Variants in ATP4A observed in about 807,000 individuals in gnomAD.
The protein encoded by ATP4A is ATPase H+/K+ transporting subunit alpha.
Under a neutral mutation model 112.1 loss-of-function variants are expected in ATP4A, and 73 were observed. The observed-to-expected ratio is 0.65, with a 90% CI of 0.54 to 0.79. The LOEUF (loss-of-function observed/expected upper bound fraction) is 0.79. ATP4A is among the 30% of genes least tolerant of loss of function. ATP4A has a pLI of 0.00. For synonymous variants in ATP4A, 588 were observed against 588.9 expected (o/e 1.00, Z 0.02); for missense variants, 1,081 against 1,425.9 (o/e 0.76, Z 3.90).
At position 35,562,530 on chromosome 19, in the gene ATP4A, C is replaced by T. The variant is rs766832949; in HGVS notation, c.325G>A (p.Gly109Arg). Residue 109 changes from glycine to arginine, a missense_variant, in exon 4 of 22, where the codon GGG (glycine) becomes AGG (arginine). Gly to Arg is a moderately radical substitution (Grantham distance 125). Around this residue, in one of 3 missense-constraint regions of ATP4A, gnomAD observed 850 missense variants for 1,068.2 expected, o/e 0.80. Coordinates refer to ENST00000262623, the MANE Select transcript of ATP4A (RefSeq NM_000704.3). ...ACCCACATGAGGCACTGCAGGCCCC[C>T]GGCCAGCTGCCTCGCGAACTTGACG... ...EYVKFARQLAGGLQCLMWVAA... is the reference protein window; with the variant it reads ...EYVKFARQLARGLQCLMWVAA... 6 of 1,613,740 alleles carry T rather than the reference C, an allele frequency of 3.7e-6. No homozygotes were observed. Among genetic ancestry groups the T allele is most frequent in the Non-Finnish European group, 4.2e-6 (5 of 1,179,896 alleles).
chr19:35,557,529 T>C lies in ATP4A; in HGVS notation c.1693+126A>G, dbSNP rs551142898. On this transcript the variant is annotated intron_variant, in intron 11 of 21. Transcript: ENST00000262623. The surrounding 1 kb of genome is among the most constrained non-coding windows in gnomAD (Gnocchi z 4.4). ...ACAGGGAAAGTCAAGGGTGAGGCTG[T>C]GGACTGCGACAAATCAGCCAGCAGC... 1 of 1,175,778 alleles carries C rather than the reference T, an allele frequency of 8.5e-7. No homozygotes were observed. The highest frequency in any genetic ancestry group is 1.5e-5 in the African/African-American group (1 of 65,318). The allele number at this position is 1,175,778 out of a possible 1,614,324, so 72.8% of individuals were successfully genotyped here.
intron 16 of ATP4A, among the ~76,000 whole-genome samples, chr19:35,554,538 C>G (rs932113731): frequency 2.6e-5 from 4 of 152,184 alleles, no homozygotes; most frequent in Non-Finnish European, 4.4e-5. Flanking sequence ...ATCTGTGGTT[C>G]TTTTCTGTCT....
Position 35,560,420 on chromosome 19 carries a change from G to A in ATP4A, c.730C>T (p.His244Tyr). The change falls in exon 6 of 22, where the codon CAC (histidine) becomes TAC (tyrosine). Residue 244 changes from histidine (H) to tyrosine (Y), a missense_variant. This residue lies in a region of ATP4A where 850 missense variants were observed against 1,068.2 expected (regional missense o/e 0.80). Coordinates refer to ENST00000262623, the MANE Select transcript of ATP4A (RefSeq NM_000704.3). The surrounding 1 kb of genome is among the most constrained non-coding windows in gnomAD (Gnocchi z 5.1). Reference protein sequence around the residue: ...EPQTRSPECTHESPLETRNIA... With the variant: ...EPQTRSPECTYESPLETRNIA... Reference sequence around the variant, plus strand: ...TTGCGGGTCTCCAGAGGGCTCTCGTGCGTGCACTCGGGTGAGCGGGTCTGT... The same window carrying A: ...TTGCGGGTCTCCAGAGGGCTCTCGTACGTGCACTCGGGTGAGCGGGTCTGT... The A allele has an allele frequency of 6.2e-7, 1 of 1,614,018 alleles. No individual in the cohort carries two copies. The highest frequency in any genetic ancestry group is 8.5e-7 in the Non-Finnish European group (1 of 1,180,020).
Position 35,558,999 on chromosome 19 carries a change from G to C in ATP4A, c.1249C>G (p.Gln417Glu), listed in dbSNP as rs1321434923. The C allele has an allele frequency of 6.2e-7, 1 of 1,614,158 alleles. No individual in the cohort carries two copies. Among genetic ancestry groups the C allele is most frequent in the Admixed American group, 1.7e-5 (1 of 60,022 alleles). The change falls in exon 8 of 22, where the codon CAG (glutamine) becomes GAG (glutamate). Residue 417 changes from glutamine to glutamate, a missense_variant. Gln to Glu is a conservative substitution (Grantham distance 29). Transcript: ENST00000262623. This position sits in a 1 kb window ranked among gnomAD's most constrained non-coding sequence, Gnocchi z 5.1. Reference sequence around the variant, plus strand: ...TGCCCTCCCTCCCCCACACCTGACTGGTCTTCCGTGGTGTCAGCTGTGTGG... The same window carrying C: ...TGCCCTCCCTCCCCCACACCTGACTCGTCTTCCGTGGTGTCAGCTGTGTGG... Reference protein sequence around the residue: ...HIHTADTTEDQSGQTFDQSSE... With the variant: ...HIHTADTTEDESGQTFDQSSE...
At position 35,551,692 on chromosome 19, in the gene ATP4A, C is replaced by G; in HGVS notation, c.2752-112G>C. The G allele has an allele frequency of 1.4e-6, 2 of 1,379,926 alleles. No homozygotes were observed. The highest frequency in any genetic ancestry group is 2.0e-6 in the Non-Finnish European group (2 of 1,007,206). The allele number at this position is 1,379,926 out of a possible 1,614,324, so 85.5% of individuals were successfully genotyped here. ...AGGGCCGTGAACCCCTAAATGCTCT[C>G]TCTGCCTTGCATCAGAGTGTGGGGG... On this transcript the variant is annotated intron_variant, in intron 18 of 21. Coordinates refer to ENST00000262623, the MANE Select transcript of ATP4A (RefSeq NM_000704.3). This position sits in a 1 kb window ranked among gnomAD's most constrained non-coding sequence, Gnocchi z 5.2.
In ATP4A at chr19:35,560,012, C is replaced by T. The variant is rs746904868; in HGVS notation, c.849G>A (p.Ser283=). 10 of 1,614,234 alleles carry T rather than the reference C, an allele frequency of 6.2e-6. No homozygotes were observed. The highest frequency in any genetic ancestry group is 3.3e-5 in the South Asian group (3 of 91,092). ...GDRTIIGRIA[S]LASGVENEKT... ...TCTCGTTTTCCACCCCCGACGCCAG[C>T]GATGCGATGCGCCCAATGATGGTGC... Residue 283 remains serine, a synonymous_variant, in exon 7 of 22, where the codon TCG becomes TCA. Transcript: ENST00000262623. The surrounding 1 kb of genome is among the most constrained non-coding windows in gnomAD (Gnocchi z 5.1).
rs1472525962 is a variant in ATP4A, at chr19:35,555,074, G to A, written c.2329C>T (p.Arg777Ter). The A allele has an allele frequency of 6.8e-6, 11 of 1,613,092 alleles. No individual in the cohort carries two copies. Among genetic ancestry groups the A allele is most frequent in the South Asian group, 4.4e-5 (4 of 90,982 alleles). The change falls in exon 16 of 22, where the codon CGA becomes TGA. Residue 777 changes from arginine (R) to a stop codon, truncating the protein, a stop_gained and splice_region_variant. Transcript: ENST00000262623. LOFTEE classifies it high-confidence loss of function. The surrounding 1 kb of genome is among the most constrained non-coding windows in gnomAD (Gnocchi z 6.6). ...TTCTTCAGGTTGTCGAAGATCAGTC[G>A]ACCTGTGGGGTAGGGTGGGCACCTC... Reference protein sequence around the residue: ...ASIVTGVEQGRLIFDNLKKSI... With the variant: ...ASIVTGVEQG
rs743541 is a variant in ATP4A at position 35,558,748 on chromosome 19, C to G, written c.1256-62G>C. ...GGCTCTCCCGGACCAGAACCGAGCC[C>G]CCTCCTCCTAGGCTCATATCGCGGG... On this transcript the variant is annotated intron_variant, in intron 8 of 21. Transcript: ENST00000262623. This position sits in a 1 kb window ranked among gnomAD's most constrained non-coding sequence, Gnocchi z 5.1. The G allele has an allele frequency of 5.9e-3, 8,879 of 1,492,524 alleles. 445 individuals carry two copies. In the African/African-American group the frequency reaches 0.11, roughly 18 times the overall value. The allele number at this position is 1,492,524 out of a possible 1,614,324, so 92.5% of individuals were successfully genotyped here.
Position 35,558,597 on chromosome 19 carries a change from C to T in ATP4A, c.1345G>A (p.Asp449Asn). ...CNRAAFKSGQ[D>N]AVPVPKRIVI... ...CTCACCTTGGGCACAGGCACTGCAT[C>T]CTGGCCGGACTTGAAGGCGGCGCGG... The change falls in exon 9 of 22, where the codon GAT becomes AAT. Residue 449 changes from aspartate to asparagine, a missense_variant. Coordinates refer to ENST00000262623, the MANE Select transcript of ATP4A (RefSeq NM_000704.3). The surrounding 1 kb of genome is among the most constrained non-coding windows in gnomAD (Gnocchi z 5.1). 1 of 1,603,876 alleles carries T rather than the reference C, an allele frequency of 6.2e-7. No individual in the cohort carries two copies. Among genetic ancestry groups the T allele is most frequent in the Non-Finnish European group, 8.5e-7 (1 of 1,176,252 alleles).
At position 35,560,420 on chromosome 19, in the gene ATP4A, G is replaced by C; in HGVS notation, c.730C>G (p.His244Asp). 2.5e-6 allele frequency: 4 copies of C among 1,614,018 alleles called. No homozygotes were observed. The highest frequency in any genetic ancestry group is 3.4e-6 in the Non-Finnish European group (4 of 1,180,020). ...TTGCGGGTCTCCAGAGGGCTCTCGT[G>C]CGTGCACTCGGGTGAGCGGGTCTGT... ...EPQTRSPECT[H>D]ESPLETRNIA... Residue 244 changes from histidine to aspartate, a missense_variant, in exon 6 of 22, where the codon CAC becomes GAC. By Grantham distance (81) the His-to-Asp change is moderately conservative. Transcript: ENST00000262623. The surrounding 1 kb of genome is among the most constrained non-coding windows in gnomAD (Gnocchi z 5.1).
At position 35,553,264 on chromosome 19, in the gene ATP4A, GGGACACAGATACACAAAGGTCAA is replaced by G. The variant is rs1215996187; in HGVS notation, c.2606-105_2606-83del. On this transcript the variant is annotated intron_variant, in intron 17 of 21. Coordinates refer to ENST00000262623, the MANE Select transcript of ATP4A (RefSeq NM_000704.3). ...AGGAAGAGAGGGACATGGAGAGACAGGGACACAGATACACAAAGGTCAAGGACACACAGACAGGGACACGGGAA... is the reference window on the plus strand; with the variant it reads ...AGGAAGAGAGGGACATGGAGAGACAGGGACACACAGACAGGGACACGGGAA... The G allele has an allele frequency of 6.1e-5, 91 of 1,481,714 alleles. 1 individual carries two copies. In the South Asian group the frequency reaches 9.2e-4, roughly 15 times the overall value. The allele number at this position is 1,481,714 out of a possible 1,614,324, so 91.8% of individuals were successfully genotyped here. A position where few individuals can be genotyped will look rare whatever the true frequency, so the allele number is the denominator to read the frequency against.
At position 35,559,400 on chromosome 19, in the gene ATP4A, C is replaced by T. The variant is rs987028022; in HGVS notation, c.1057-209G>A. ...TCCCCAGTCTGCCCAGATACAGTAG[C>T]GAGGCCCCTCTCTGAGCTGTCCCAG... On this transcript the variant is annotated intron_variant, in intron 7 of 21. Transcript: ENST00000262623. The surrounding 1 kb of genome is among the most constrained non-coding windows in gnomAD (Gnocchi z 4.1). 6.6e-6 allele frequency among the ~76,000 whole-genome samples: 1 copy of T among 152,244 alleles called. No individual in the cohort carries two copies. The highest frequency in any genetic ancestry group is 1.5e-5 in the Non-Finnish European group (1 of 68,046).
In ATP4A at chr19:35,557,306, G is replaced by A. The variant is rs2071636690; in HGVS notation, c.1694-218C>T. Among the ~76,000 whole-genome samples the A allele has an allele frequency of 6.6e-6, 1 of 152,168 alleles. No homozygotes were observed. Among genetic ancestry groups the A allele is most frequent in the Admixed American group, 6.5e-5 (1 of 15,276 alleles). On this transcript the variant is annotated intron_variant, in intron 11 of 21. Transcript: ENST00000262623. The surrounding 1 kb of genome is among the most constrained non-coding windows in gnomAD (Gnocchi z 4.4). ...TGAGGAAACTGAGGCTCAGAGAGGG[G>A]ACATTTCTTGCCAGAGGTCACACAG...
In ATP4A at chr19:35,559,776, T is replaced by A; in HGVS notation, c.1056+29A>T. ...CAGATGGTTGAGCAGGCCCCTCAGC[T>A]CCCTGCATCCCCGCCTGCCCCCACT... is the stretch of plus-strand genomic sequence containing the variant. On this transcript the variant is annotated intron_variant, in intron 7 of 21. Transcript: ENST00000262623. This position sits in a 1 kb window ranked among gnomAD's most constrained non-coding sequence, Gnocchi z 4.1. 1 of 1,608,304 alleles carries A rather than the reference T, an allele frequency of 6.2e-7. No individual in the cohort carries two copies. Among genetic ancestry groups the A allele is most frequent in the South Asian group, 1.1e-5 (1 of 90,676 alleles).
At position 35,557,805 on chromosome 19, in the gene ATP4A, A is replaced by G; in HGVS notation, c.1543T>C (p.Leu515=). The change falls in exon 11 of 22, where the codon TTG becomes CTG. Residue 515 remains leucine, a synonymous_variant. Transcript: ENST00000262623. The surrounding 1 kb of genome is among the most constrained non-coding windows in gnomAD (Gnocchi z 4.4). ...TLEDPRDPRH[L]LVMKGAPERV... ...TCGGGGGCGCCCTTCATCACCAGCA[A>G]GTGTCGCGGGTCCCGCGGGTCCTCC... 1.3e-6 allele frequency: 2 copies of G among 1,552,708 alleles called. No homozygotes were observed. Among genetic ancestry groups the G allele is most frequent in the Non-Finnish European group, 1.7e-6 (2 of 1,143,048 alleles).
At position 35,557,693 on chromosome 19, in the gene ATP4A, G is replaced by C; in HGVS notation, c.1655C>G (p.Ala552Gly). Reference sequence around the variant, plus strand: ...GCCCAGGCCTCCCAGGCTGAGGTAGGCGGTCTGGAAGGCCTCGCGCCACTG... The same window carrying C: ...GCCCAGGCCTCCCAGGCTGAGGTAGCCGGTCTGGAAGGCCTCGCGCCACTG... ...DEQWREAFQT[A>G]YLSLGGLGER... The change falls in exon 11 of 22, where the codon GCC (alanine) becomes GGC (glycine). Residue 552 changes from alanine (A) to glycine (G), a missense_variant. This residue lies in a region of ATP4A where 850 missense variants were observed against 1,068.2 expected (regional missense o/e 0.80). Transcript: ENST00000262623. The surrounding 1 kb of genome is among the most constrained non-coding windows in gnomAD (Gnocchi z 4.4). 1 of 1,609,754 alleles carries C rather than the reference G, an allele frequency of 6.2e-7. No individual in the cohort carries two copies. The highest frequency in any genetic ancestry group is 8.5e-7 in the Non-Finnish European group (1 of 1,178,850).
At chr19:35,562,845 A>G (rs73597297) in intron 3 of ATP4A, among the ~76,000 whole-genome samples, 29,219 of 132,112 alleles carry the variant, frequency 0.22, 3,543 homozygotes, top group African/African-American at 0.38. Context: ...TCCCCTTTCT[A>G]TGTGTCTCTC....
Position 35,553,129 on chromosome 19 carries a change from C to G in ATP4A, c.2659G>C (p.Glu887Gln), listed in dbSNP as rs2071610925. The change falls in exon 18 of 22, where the codon GAG becomes CAG. Residue 887 changes from glutamate (E) to glutamine (Q), a missense_variant. Glu to Gln is a conservative substitution (Grantham distance 29). This residue lies in a region of ATP4A where 219 missense variants were observed against 320.9 expected (regional missense o/e 0.68). Coordinates refer to ENST00000262623, the MANE Select transcript of ATP4A (RefSeq NM_000704.3). ...ACGCACAGCAGTGGGAACCAGCCCTCCTGGGCCATTGCCGTGAAGTAGTCA... is the reference window on the plus strand; with the variant it reads ...ACGCACAGCAGTGGGAACCAGCCCTGCTGGGCCATTGCCGTGAAGTAGTCA... Reference protein sequence around the residue: ...FTDYFTAMAQEGWFPLLCVGL... With the variant: ...FTDYFTAMAQQGWFPLLCVGL... 6.2e-7 allele frequency: 1 copy of G among 1,610,046 alleles called. No homozygotes were observed. Among genetic ancestry groups the G allele is most frequent in the Non-Finnish European group, 8.5e-7 (1 of 1,176,774 alleles).
Sources: gnomAD v4.1 joint callset for allele counts (sites outside exome capture counted in the v4.1 genomes callset) on GRCh38, gnomAD v4.1.1 for gene constraint, gnomAD v4.1.1 regional missense constraint, Gnocchi (gnomAD v3.1) non-coding constraint, MANE v1.5 for transcripts, NCBI Gene and HGNC (gene_info 2026-07-23, HGNC 2026-07-21) for gene names.